Variants in NFIB observed in about 807,000 individuals in gnomAD.
NFIB encodes the protein nuclear factor 1 B-type.
Under a neutral mutation model 61.5 loss-of-function variants are expected in NFIB, and 11 were observed. That is an observed-to-expected ratio of 0.18 (90% CI 0.11 to 0.30). The LOEUF (loss-of-function observed/expected upper bound fraction) is 0.30. NFIB is among the 10% of genes least tolerant of loss of function. NFIB has a pLI of 1.00. For missense variants in NFIB, 471 were observed against 608.9 expected (o/e 0.77, Z 2.38); for synonymous variants, 260 against 216.5 (o/e 1.20, Z -1.76).
chr9:14,453,670 TAA>T, the NFIB span, among the ~76,000 whole-genome samples: 1 of 152,224 alleles, frequency 6.6e-6, no homozygotes, highest in Non-Finnish European at 1.5e-5. Flanking sequence ...AGAAATGGTC[TAA>T]AAATTACATG....
At chr9:14,441,645 T>C in the NFIB span, among the ~76,000 whole-genome samples, 1 of 151,842 alleles carries the variant, frequency 6.6e-6, no homozygotes, top group Non-Finnish European at 1.5e-5. Flanking sequence ...CAACCCTTAT[T>C]ACTATGACAA....
At chr9:14,325,839 A>G (rs1285884988) in intron 1 of NFIB, among the ~76,000 whole-genome samples, 1 of 152,160 alleles carries the variant, frequency 6.6e-6, no homozygotes, top group Admixed American at 6.5e-5. Flanking sequence ...ATATTTTTAG[A>G]ATTTAAAAAA....
chr9:14,525,323 G>T, the NFIB span, among the ~76,000 whole-genome samples: 1 of 152,170 alleles, frequency 6.6e-6, no homozygotes, highest in Non-Finnish European at 1.5e-5. Context: ...CAATGGTTGG[G>T]TTCTTGGGAA....
At chr9:14,473,516 T>C in the NFIB span, among the ~76,000 whole-genome samples, 1 of 152,194 alleles carries the variant, frequency 6.6e-6, no homozygotes, top group Admixed American at 6.5e-5. Flanking sequence ...TTCTCACGAA[T>C]GGACATTTCA....
chr9:14,117,422 T>C (rs1026368825), intron 8 of NFIB, among the ~76,000 whole-genome samples: 6 of 152,186 alleles, frequency 3.9e-5, no homozygotes, highest in East Asian at 1.9e-4. Context: ...CACTGCACGG[T>C]GTTCATCGCA....
chr9:14,368,469 C>T (rs769505684), intron 1 of NFIB, among the ~76,000 whole-genome samples: 30 of 152,308 alleles, frequency 2.0e-4, no homozygotes, highest in African/African-American at 6.5e-4. Context: ...TCTGTAGCTA[C>T]GGACAGGGCC....
At chr9:14,465,339 A>G in the NFIB span, among the ~76,000 whole-genome samples, 2 of 152,174 alleles carry the variant, frequency 1.3e-5, no homozygotes, top group African/African-American at 4.8e-5. Flanking sequence ...GGAAGAAAAC[A>G]AACAGAAAGA....
intron 1 of NFIB, among the ~76,000 whole-genome samples, chr9:14,390,916 CT>C (rs1328952751): frequency 6.6e-6 from 1 of 152,160 alleles, no homozygotes; most frequent in African/African-American, 2.4e-5. Flanking sequence ...CAGACTAAGA[CT>C]TTGGATTATA....
chr9:14,253,288 G>A (rs979246387), intron 2 of NFIB, among the ~76,000 whole-genome samples: 7 of 152,166 alleles, frequency 4.6e-5, no homozygotes, highest in African/African-American at 1.7e-4. Context: ...ATGTTTGAAA[G>A]AAAGAGACTT....
At chr9:14,236,461 G>C (rs1310376258) in intron 2 of NFIB, among the ~76,000 whole-genome samples, 1 of 152,104 alleles carries the variant, frequency 6.6e-6, no homozygotes, top group Non-Finnish European at 1.5e-5. Context: ...TAGAGTCCAC[G>C]GGTGTGAGTG....
the NFIB span, among the ~76,000 whole-genome samples, chr9:14,514,086 T>G: frequency 6.6e-6 from 1 of 152,206 alleles, no homozygotes; most frequent in Non-Finnish European, 1.5e-5. Flanking sequence ...CAAATAAAAT[T>G]TGTGGCAATG....
intron 3 of NFIB, among the ~76,000 whole-genome samples, chr9:14,160,372 GA>G (rs2044016190): frequency 6.6e-6 from 1 of 151,818 alleles, no homozygotes; most frequent in African/African-American, 2.4e-5. Flanking sequence ...CATTTACATA[GA>G]AAATCCAAAG....
rs1348873189 is a variant in NFIB, at chr9:14,313,749, T to A, written c.-238A>T. On this transcript the variant is annotated 5_prime_UTR_variant, in exon 1 of 11. Coordinates refer to ENST00000380953, the MANE Select transcript of NFIB (RefSeq NM_001190737.2). This position sits in a 1 kb window ranked among gnomAD's most constrained non-coding sequence, Gnocchi z 4.5. The stretch of plus-strand genomic sequence containing the variant: ...GAAATCCAATCTACACTTTTAACCC[T>A]CTTGCAGTCCGAGCGCGCTGGCCGT... 6.6e-6 allele frequency: 9 copies of A among 1,362,906 alleles called. No individual in the cohort carries two copies. Among genetic ancestry groups the A allele is most frequent in the African/African-American group, 1.5e-5 (1 of 67,264 alleles). The allele number at this position is 1,362,906 out of a possible 1,614,324, so 84.4% of individuals were successfully genotyped here.
chr9:14,219,495 T>C (rs1446907957), intron 2 of NFIB, among the ~76,000 whole-genome samples: 1 of 151,780 alleles, frequency 6.6e-6, no homozygotes, highest in Non-Finnish European at 1.5e-5. Flanking sequence ...TAACTATTTT[T>C]GTTTGCAGGC....
At chr9:14,302,936 C>G (rs1487346097) in intron 2 of NFIB, among the ~76,000 whole-genome samples, 2 of 152,138 alleles carry the variant, frequency 1.3e-5, no homozygotes, top group Non-Finnish European at 2.9e-5. Flanking sequence ...ATCTAGGAAA[C>G]TTTAACCAAA....
At chr9:14,155,787 T>C (rs893369316) in intron 4 of NFIB, 38 bp downstream of exon 4, 14 of 1,262,694 alleles carry the variant, frequency 1.1e-5, no homozygotes, top group South Asian at 6.7e-5. Flanking sequence ...TTTTAAATCA[T>C]ACTGCATGCT....
chr9:14,234,866 G>C (rs1184985064), intron 2 of NFIB, among the ~76,000 whole-genome samples: 1 of 149,914 alleles, frequency 6.7e-6, no homozygotes, highest in Non-Finnish European at 1.5e-5. Flanking sequence ...AGATCCAAGA[G>C]GATCAGAATA....
Position 14,113,084 on chromosome 9 carries a change from G to T in NFIB, c.1385-3C>A. 1 of 1,547,962 alleles carries T rather than the reference G, an allele frequency of 6.5e-7. No individual in the cohort carries two copies. Among genetic ancestry groups the T allele is most frequent in the South Asian group, 1.2e-5 (1 of 83,720 alleles). On this transcript the variant is annotated splice_region_variant and splice_polypyrimidine_tract_variant and intron_variant, in intron 9 of 10. Coordinates refer to ENST00000380953, the MANE Select transcript of NFIB (RefSeq NM_001190737.2). Reference sequence around the variant, plus strand: ...AGATGTGCCTGAGGCTGTGTAGGCTGATTAAGGAAGAACAAAAACAAAGAT... The same window carrying T: ...AGATGTGCCTGAGGCTGTGTAGGCTTATTAAGGAAGAACAAAAACAAAGAT...
At chr9:14,524,601 C>G in the NFIB span, among the ~76,000 whole-genome samples, 4 of 152,174 alleles carry the variant, frequency 2.6e-5, no homozygotes, top group Middle Eastern at 3.4e-3. Context: ...GAATTTCATG[C>G]CTTCTCATTA....
Sources: gnomAD v4.1 joint callset for allele counts (sites outside exome capture counted in the v4.1 genomes callset) on GRCh38, gnomAD v4.1.1 for gene constraint, Gnocchi (gnomAD v3.1) non-coding constraint, MANE v1.5 for transcripts, NCBI Gene and HGNC (gene_info 2026-07-23, HGNC 2026-07-21) for gene names.